FOXP1: variants seen among roughly 807,000 people sequenced by gnomAD.
The protein encoded by FOXP1 is forkhead box P1.
In FOXP1, 15 loss-of-function variants were observed where a neutral mutation model predicts 98.2. That is an observed-to-expected ratio of 0.15 (90% confidence interval 0.10 to 0.24). The LOEUF (loss-of-function observed/expected upper bound fraction) is 0.24, where lower values mean the gene tolerates loss of function less well. FOXP1 is among the 10% of genes least tolerant of loss of function. FOXP1 has a pLI of 1.00. For missense variants in FOXP1, 633 were observed against 848.5 expected (o/e 0.75, Z 3.15); for synonymous variants, 371 against 314.5 (o/e 1.18, Z -1.90).
intron 11 of FOXP1, among the ~76,000 whole-genome samples, chr3:71,031,037 G>C (rs2046800991): frequency 6.6e-6 from 1 of 152,076 alleles, no homozygotes; most frequent in African/African-American, 2.4e-5. Flanking sequence ...TTCGCTTTTT[G>C]GATGTATGAC....
At chr3:71,403,508 G>A (rs956044799) in intron 3 of FOXP1, among the ~76,000 whole-genome samples, 3 of 152,216 alleles carry the variant, frequency 2.0e-5, no homozygotes, top group Non-Finnish European at 4.4e-5. Flanking sequence ...GTGCATGCAC[G>A]CGTGCCTCAT....
At chr3:71,542,958 G>T (rs1359629195) in intron 2 of FOXP1, among the ~76,000 whole-genome samples, 1 of 152,230 alleles carries the variant, frequency 6.6e-6, no homozygotes, top group Non-Finnish European at 1.5e-5. Context: ...GTATAACTGG[G>T]CTGTGGTCCA....
intron 3 of FOXP1, among the ~76,000 whole-genome samples, chr3:71,463,090 T>C (rs547952543): frequency 5.3e-5 from 8 of 152,254 alleles, no homozygotes; most frequent in African/African-American, 1.9e-4. Context: ...AGGCCAAGCA[T>C]GGTGGCTCAC....
chr3:71,237,203 G>A (rs1176439853), intron 5 of FOXP1, among the ~76,000 whole-genome samples: 1 of 108,892 alleles, frequency 9.2e-6, no homozygotes, highest in Non-Finnish European at 1.7e-5. Flanking sequence ...CTGCACTCCA[G>A]CCTGGGCGAC....
At chr3:71,443,631 C>T (rs1455265232) in intron 3 of FOXP1, among the ~76,000 whole-genome samples, 1 of 152,098 alleles carries the variant, frequency 6.6e-6, no homozygotes, top group Non-Finnish European at 1.5e-5. Context: ...TCTGATTCTG[C>T]CACTCTCCCT....
At chr3:71,432,018 C>G in intron 3 of FOXP1, among the ~76,000 whole-genome samples, 1 of 152,330 alleles carries the variant, frequency 6.6e-6, no homozygotes, top group African/African-American at 2.4e-5. Flanking sequence ...GACCAAGCTG[C>G]AGGATCCCTT....
At chr3:71,430,018 A>G (rs147300038) in intron 3 of FOXP1, among the ~76,000 whole-genome samples, 51 of 152,340 alleles carry the variant, frequency 3.3e-4, no homozygotes, top group Admixed American at 1.2e-3. Flanking sequence ...TCGGAAATGA[A>G]GATTCCTTTT....
At chr3:71,302,061 T>C (rs920450381) in intron 4 of FOXP1, among the ~76,000 whole-genome samples, 1 of 152,242 alleles carries the variant, frequency 6.6e-6, no homozygotes, top group Admixed American at 6.5e-5. Context: ...TCTTTCTCCA[T>C]TTTGAAGTTC....
At chr3:71,030,434 A>G (rs938849910) in intron 11 of FOXP1, among the ~76,000 whole-genome samples, 89 of 152,288 alleles carry the variant, frequency 5.8e-4, no homozygotes, top group African/African-American at 2.0e-3. Context: ...CAGTAACCTC[A>G]GCCCCACAAA....
At chr3:71,520,759 T>C (rs557804777) in intron 2 of FOXP1, among the ~76,000 whole-genome samples, 4 of 152,334 alleles carry the variant, frequency 2.6e-5, no homozygotes, top group South Asian at 2.1e-4. Context: ...CAGGTTGGCA[T>C]TGACAAGTCA....
At chr3:71,091,097 C>CTGTGTG (rs1191628935) in intron 7 of FOXP1, among the ~76,000 whole-genome samples, 29 of 132,610 alleles carry the variant, frequency 2.2e-4, no homozygotes, top group African/African-American at 8.2e-4. Flanking sequence ...GTGCCAGATT[C>CTGTGTG]TGTGTGTGTG....
intron 7 of FOXP1, among the ~76,000 whole-genome samples, chr3:71,106,571 G>T (rs1052007678): frequency 5.9e-5 from 9 of 151,562 alleles, no homozygotes; most frequent in African/African-American, 2.2e-4. Flanking sequence ...TGATCCGCTC[G>T]CCTTGGCTTC....
intron 5 of FOXP1, 32 bp from the exon 6 acceptor site, chr3:71,198,424 G>T: frequency 6.1e-6 from 3 of 494,620 alleles, no homozygotes; most frequent in Admixed American, 2.3e-5. Flanking sequence ...TGGGGGGAGG[G>T]AGGGGGGGAG....
intron 3 of FOXP1, among the ~76,000 whole-genome samples, chr3:71,406,910 A>AAGCACAGTGCTTGG (rs2082386750): frequency 6.6e-6 from 1 of 152,096 alleles, no homozygotes; most frequent in African/African-American, 2.4e-5. Flanking sequence ...CTTAGGTACC[A>AAGCACAGTGCTTGG]AGCACAGTGC....
intron 5 of FOXP1, among the ~76,000 whole-genome samples, chr3:71,298,774 GC>G (rs774040066): frequency 2.8e-4 from 42 of 152,032 alleles, no homozygotes; most frequent in Non-Finnish European, 5.4e-4. Flanking sequence ...ACCCCCCCAA[GC>G]CCCAGGTGAG....
intron 3 of FOXP1, among the ~76,000 whole-genome samples, chr3:71,421,677 C>T (rs2083661304): frequency 6.6e-6 from 1 of 152,196 alleles, no homozygotes; most frequent in Non-Finnish European, 1.5e-5. Flanking sequence ...AGAGGGGCCG[C>T]TGGTCTCAGG....
intron 3 of FOXP1, among the ~76,000 whole-genome samples, chr3:71,452,218 T>C (rs1430124093): frequency 6.6e-6 from 1 of 152,116 alleles, no homozygotes; most frequent in Non-Finnish European, 1.5e-5. Context: ...AAAAGGAACT[T>C]TAAAGGGATC....
intron 3 of FOXP1, among the ~76,000 whole-genome samples, chr3:71,451,382 G>C (rs2086939753): frequency 6.6e-6 from 1 of 152,170 alleles, no homozygotes; most frequent in South Asian, 2.1e-4. Context: ...TCAATGTTAA[G>C]CAAGTGGCTA....
chr3:71,449,210 T>C (rs1443618480), intron 3 of FOXP1, among the ~76,000 whole-genome samples: 1 of 152,070 alleles, frequency 6.6e-6, no homozygotes, highest in Non-Finnish European at 1.5e-5. Context: ...ATTGCAAAAA[T>C]AGAGCAGGGC....
Sources: gnomAD v4.1 joint callset for allele counts (sites outside exome capture counted in the v4.1 genomes callset) on GRCh38, gnomAD v4.1.1 for gene constraint, MANE v1.5 for transcripts, NCBI Gene and HGNC (gene_info 2026-07-23, HGNC 2026-07-21) for gene names.